Variants in ANK3 observed in about 807,000 individuals in gnomAD.
The protein encoded by ANK3 is ankyrin 3.
A neutral mutation model predicts 370.9 loss-of-function variants in ANK3; 57 were observed. That is an observed-to-expected ratio of 0.15 (90% CI 0.12 to 0.19). ANK3 has a LOEUF of 0.19. ANK3 is among the 10% of genes least tolerant of loss of function. ANK3 has a pLI of 1.00. For synonymous variants in ANK3, 1,929 were observed against 1,946.3 expected (o/e 0.99, Z 0.23); for missense variants, 4,439 against 5,302.1 (o/e 0.84, Z 5.06).
chr10:60,141,559 C>CTTTTTT (rs2094555559), intron 23 of ANK3, among the ~76,000 whole-genome samples: 2 of 61,164 alleles, frequency 3.3e-5, no homozygotes, highest in African/African-American at 1.6e-4. Context: ...ATTTCAATTG[C>CTTTTTT]TGTTTTTTTT....
In ANK3 at chr10:60,072,445, C is replaced by T. The variant is rs1303417717; in HGVS notation, c.8436G>A (p.Gln2812=). The T allele has an allele frequency of 1.9e-6, 3 of 1,613,918 alleles. No individual in the cohort carries two copies. Among genetic ancestry groups the T allele is most frequent in the Non-Finnish European group, 2.5e-6 (3 of 1,180,022 alleles). The change falls in exon 37 of 44, where the codon CAG becomes CAA. Residue 2812 remains glutamine (Q), a synonymous_variant. Coordinates refer to ENST00000280772, the MANE Select transcript of ANK3 (RefSeq NM_020987.5). ...TTGCTTTACTTGACATTTCAGTTCT[C>T]TGTTTTTTCACATTATCAGAGCCAG... The part of the protein sequence containing the change: ...NDSGSDNVKK[Q]RTEMSSKAMP...
intron 1 of ANK3, among the ~76,000 whole-genome samples, chr10:60,722,137 G>A (rs753962926): frequency 2.0e-5 from 3 of 151,764 alleles, no homozygotes; most frequent in Non-Finnish European, 2.9e-5. Context: ...CATACCCCTC[G>A]CACCCCACAG....
At chr10:60,339,920 G>C (rs1302783474) in intron 1 of ANK3, among the ~76,000 whole-genome samples, 1 of 152,274 alleles carries the variant, frequency 6.6e-6, no homozygotes, top group East Asian at 1.9e-4. Context: ...CTCAAGAAAA[G>C]GTACTGATGA....
chr10:60,566,613 C>A, intron 2 of ANK3, among the ~76,000 whole-genome samples: 1 of 152,188 alleles, frequency 6.6e-6, no homozygotes, highest in Middle Eastern at 3.2e-3. Flanking sequence ...GAGCTCACAC[C>A]TGTAATTCCA....
At chr10:60,134,129 T>TC (rs1456810800) in intron 25 of ANK3, 142 bp downstream of exon 25, 4 of 652,152 alleles carry the variant, frequency 6.1e-6, no homozygotes, top group Non-Finnish European at 7.6e-6. Flanking sequence ...ACTTATTTTT[T>TC]TTTAACTGGC....
chr10:60,171,997 C>A (rs1242583310), intron 21 of ANK3, among the ~76,000 whole-genome samples: 2 of 152,152 alleles, frequency 1.3e-5, no homozygotes, highest in Non-Finnish European at 2.9e-5. Context: ...AAAATTTCTG[C>A]CTTCACCATC....
intron 2 of ANK3, among the ~76,000 whole-genome samples, chr10:60,465,644 T>C (rs1026975634): frequency 2.0e-5 from 3 of 152,152 alleles, no homozygotes; most frequent in African/African-American, 4.8e-5. Context: ...AGGCCAAACA[T>C]TGCAGGATTC....
intron 1 of ANK3, among the ~76,000 whole-genome samples, chr10:60,715,784 T>A (rs573352487): frequency 1.9e-4 from 29 of 152,376 alleles, no homozygotes; most frequent in Non-Finnish European, 2.8e-4. Context: ...CGATTTTTTT[T>A]AATTCAACTT....
At chr10:60,351,604 C>T (rs774649021) in intron 1 of ANK3, among the ~76,000 whole-genome samples, 46 of 152,258 alleles carry the variant, frequency 3.0e-4, no homozygotes, top group African/African-American at 5.1e-4. Flanking sequence ...CACAAACTAC[C>T]GGACCATGTA....
intron 1 of ANK3, among the ~76,000 whole-genome samples, chr10:60,356,434 C>T (rs2057755936): frequency 6.6e-6 from 1 of 152,138 alleles, no homozygotes; most frequent in Non-Finnish European, 1.5e-5. Context: ...GAAGGTGTGG[C>T]ATCTACTGGC....
intron 20 of ANK3, 57 bp from the exon 21 acceptor site, chr10:60,172,460 G>T: frequency 7.0e-7 from 1 of 1,436,116 alleles, no homozygotes; most frequent in Non-Finnish European, 9.7e-7. Context: ...CATTTTTTTT[G>T]CTGATACAAA....
intron 2 of ANK3, among the ~76,000 whole-genome samples, chr10:60,448,181 G>A (rs1026477051): frequency 1.1e-4 from 16 of 152,266 alleles, no homozygotes; most frequent in African/African-American, 3.4e-4. Context: ...ACCACAGCCT[G>A]TGCGCTAATG....
intron 38 of ANK3, among the ~76,000 whole-genome samples, chr10:60,065,908 C>T (rs2081551571): frequency 6.6e-6 from 1 of 151,814 alleles, no homozygotes; most frequent in Admixed American, 6.6e-5. Flanking sequence ...GCATTAAAAC[C>T]AAGATCAGAA....
chr10:60,030,836 C>A (rs1350099290), intron 43 of ANK3, among the ~76,000 whole-genome samples: 1 of 152,108 alleles, frequency 6.6e-6, no homozygotes, highest in Non-Finnish European at 1.5e-5. Flanking sequence ...GGGCAAACAC[C>A]CAGTTTGGTT....
chr10:60,072,091 A>G lies in ANK3; in HGVS notation c.8790T>C (p.Tyr2930=), dbSNP rs1404241044. 5 of 1,613,928 alleles carry G rather than the reference A, an allele frequency of 3.1e-6. No individual in the cohort carries two copies. Among genetic ancestry groups the G allele is most frequent in the Non-Finnish European group, 4.2e-6 (5 of 1,180,010 alleles). Residue 2930 remains tyrosine (Y), a synonymous_variant, in exon 37 of 44, where the codon TAT becomes TAC. Coordinates refer to ENST00000280772, the MANE Select transcript of ANK3 (RefSeq NM_020987.5). The stretch of plus-strand genomic sequence containing the variant: ...CCCCTTCTTTCACAACATATTCCCT[A>G]TATAAGACTTTTTTGGAGGGAGATT... ...TVKSPSKKVL[Y]REYVVKEGDH...
intron 1 of ANK3, among the ~76,000 whole-genome samples, chr10:60,324,337 A>G (rs1242230548): frequency 6.6e-6 from 1 of 152,230 alleles, no homozygotes; most frequent in Non-Finnish European, 1.5e-5. Flanking sequence ...CTGAGTGCTC[A>G]TCTGGATCTC....
intron 1 of ANK3, among the ~76,000 whole-genome samples, chr10:60,632,566 C>T (rs2078499014): frequency 6.6e-6 from 1 of 152,098 alleles, no homozygotes; most frequent in South Asian, 2.1e-4. Context: ...CTGGGCAACA[C>T]ACTGAGACCC....
chr10:60,325,307 C>A (rs1444671381), intron 1 of ANK3, among the ~76,000 whole-genome samples: 2 of 152,188 alleles, frequency 1.3e-5, no homozygotes, highest in African/African-American at 2.4e-5. Flanking sequence ...TCTTTCTGTG[C>A]CTGTGAGAAG....
chr10:60,497,148 T>C (rs943633924), intron 2 of ANK3, among the ~76,000 whole-genome samples: 2 of 151,840 alleles, frequency 1.3e-5, no homozygotes, highest in African/African-American at 2.4e-5. Context: ...TAAAGAAATT[T>C]AAAAAATCAA....
Sources: gnomAD v4.1 joint callset for allele counts (sites outside exome capture counted in the v4.1 genomes callset) on GRCh38, gnomAD v4.1.1 for gene constraint, MANE v1.5 for transcripts, NCBI Gene and HGNC (gene_info 2026-07-23, HGNC 2026-07-21) for gene names.